TRPM3: variants seen among roughly 807,000 people sequenced by gnomAD.
TRPM3 encodes transient receptor potential cation channel subfamily M member 3.
TRPM3 carries 77 observed loss-of-function variants against 181.2 expected under a neutral mutation model. That is an observed-to-expected ratio of 0.42 (90% CI 0.35 to 0.51). The LOEUF is 0.51. TRPM3 is among the 20% of genes least tolerant of loss of function. The pLI is 0.01. For synonymous variants in TRPM3, 745 were observed against 796.4 expected (o/e 0.94, Z 1.09); for missense variants, 1,759 against 2,196.7 (o/e 0.80, Z 3.98).
At chr9:70,754,722 C>T (rs1282808217) in intron 8 of TRPM3, among the ~76,000 whole-genome samples, 1 of 152,118 alleles carries the variant, frequency 6.6e-6, no homozygotes, top group East Asian at 1.9e-4. Context: ...GTTAGACTGG[C>T]CTCATAATAT....
intron 3 of TRPM3, among the ~76,000 whole-genome samples, chr9:70,861,561 C>T (rs2095520396): frequency 6.6e-6 from 1 of 152,188 alleles, no homozygotes; most frequent in African/African-American, 2.4e-5. Context: ...CAGCACTTTT[C>T]TTACAGGGAC....
intron 1 of TRPM3, among the ~76,000 whole-genome samples, chr9:70,995,551 G>A (rs1272898488): frequency 6.6e-6 from 1 of 152,024 alleles, no homozygotes; most frequent in Non-Finnish European, 1.5e-5. Context: ...ATTAGGGAAG[G>A]TATCTGGTGA....
chr9:71,197,732 T>A lies in TRPM3; in HGVS notation c.183+248921A>T, dbSNP rs1453572540. On this transcript the variant is annotated intron_variant, in intron 1 of 24. Coordinates refer to the TRPM3 transcript ENST00000357533. ...TTGATGGGGTTGTTTGTTTTTTTCTTGTAAATTTGTTTGAGTTCATTGTAG... is the reference window on the plus strand; with the variant it reads ...TTGATGGGGTTGTTTGTTTTTTTCTAGTAAATTTGTTTGAGTTCATTGTAG... Among the ~76,000 whole-genome samples, 6 of 150,730 alleles carry A rather than the reference T, an allele frequency of 4.0e-5. No homozygotes were observed. The Admixed American group carries it at 4.0e-4, about 10-fold the overall frequency.
intron 1 of TRPM3, among the ~76,000 whole-genome samples, chr9:71,004,731 AT>A (rs1179687505): frequency 6.6e-6 from 1 of 152,206 alleles, no homozygotes; most frequent in East Asian, 1.9e-4. Context: ...AGATAACTAA[AT>A]GAAATTTTGA....
intron 1 of TRPM3, among the ~76,000 whole-genome samples, chr9:71,032,071 AT>A (rs369563845): frequency 0.8 from 48,135 of 60,466 alleles, 19,996 homozygotes; most frequent in Middle Eastern, 0.92. Flanking sequence ...TATATATTAT[AT>A]TATATTATAT....
Position 70,937,094 on chromosome 9 carries a change from T to C in TRPM3, c.178-72583A>G, listed in dbSNP as rs937389006. Among the ~76,000 whole-genome samples, 6 of 152,220 alleles carry C rather than the reference T, an allele frequency of 3.9e-5. 1 individual carries two copies. The South Asian group carries it at 1.2e-3, about 31-fold the overall frequency. ...TCTTACAGAAATTAATGACCTTGTT[T>C]TGTTATGCATTTTGACGCAGCTTCA... On this transcript the variant is annotated intron_variant, in intron 1 of 25. Coordinates refer to ENST00000677713, the MANE Select transcript of TRPM3 (RefSeq NM_001366145.2).
intron 8 of TRPM3, among the ~76,000 whole-genome samples, chr9:70,697,776 T>G (rs138853542): frequency 5.8e-4 from 89 of 152,322 alleles, no homozygotes; most frequent in Middle Eastern, 3.4e-3. Context: ...TTATCAGTAG[T>G]TAATACCACT....
At chr9:70,638,858 T>C (rs1183170995) in intron 11 of TRPM3, among the ~76,000 whole-genome samples, 2 of 152,170 alleles carry the variant, frequency 1.3e-5, no homozygotes, top group African/African-American at 4.8e-5. Flanking sequence ...TTGCCTTACA[T>C]GCTGACAACT....
chr9:71,182,217 GTCATA>G (rs2077445222), intron 1 of TRPM3, among the ~76,000 whole-genome samples: 1 of 152,052 alleles, frequency 6.6e-6, no homozygotes. Context: ...TTAAATTGAA[GTCATA>G]GCATACAATA....
intron 1 of TRPM3, among the ~76,000 whole-genome samples, chr9:71,396,656 C>T (rs1361722274): frequency 2.6e-5 from 4 of 151,232 alleles, no homozygotes; most frequent in African/African-American, 9.7e-5. Context: ...GAATAAAATT[C>T]CTCTTTAAGG....
intron 1 of TRPM3, among the ~76,000 whole-genome samples, chr9:71,347,616 G>A (rs985780995): frequency 2.0e-5 from 3 of 151,968 alleles, no homozygotes; most frequent in Non-Finnish European, 4.4e-5. Flanking sequence ...AATTTAACAC[G>A]ATATTTAAGA....
chr9:70,869,834 A>AT (rs2095751333), intron 1 of TRPM3, among the ~76,000 whole-genome samples: 1 of 152,024 alleles, frequency 6.6e-6, no homozygotes, highest in Non-Finnish European at 1.5e-5. Flanking sequence ...GGGTGGCCCA[A>AT]TGGAGAGATT....
rs984730474 is a variant in TRPM3 at position 71,247,705 on chromosome 9, G to T, written c.183+198948C>A. On this transcript the variant is annotated intron_variant, in intron 1 of 24. Transcript: ENST00000357533. ...AGTGATACTAGGTAATCAGCTCAGG[G>T]CAAGGGAAGAGCTCCCGTGGGCAAT... Among the ~76,000 whole-genome samples the T allele has an allele frequency of 2.0e-5, 3 of 152,106 alleles. No homozygotes were observed. In the South Asian group the frequency reaches 6.2e-4, roughly 32 times the overall value.
rs779393854 is a variant in TRPM3, at chr9:70,603,338, T to C, written c.2796+4A>G. Reference sequence around the variant, plus strand: ...CTTACGTTTTCTTTTATAAAAGCCGTTACCTCTCTCATCTTTTCTATTCCC... The same window carrying C: ...CTTACGTTTTCTTTTATAAAAGCCGCTACCTCTCTCATCTTTTCTATTCCC... On this transcript the variant is annotated splice_donor_region_variant and intron_variant, in intron 20 of 25. Coordinates refer to ENST00000677713, the MANE Select transcript of TRPM3 (RefSeq NM_001366145.2). The C allele has an allele frequency of 3.1e-6, 5 of 1,611,704 alleles. No homozygotes were observed. Among genetic ancestry groups the C allele is most frequent in the Non-Finnish European group, 4.2e-6 (5 of 1,178,934 alleles).
chr9:71,135,633 A>G (rs1448919603), intron 1 of TRPM3, among the ~76,000 whole-genome samples: 1 of 152,192 alleles, frequency 6.6e-6, no homozygotes, highest in Non-Finnish European at 1.5e-5. Flanking sequence ...TTAATACTAC[A>G]GAGCTCATGC....
chr9:70,914,196 A>C (rs1426746965), intron 1 of TRPM3, among the ~76,000 whole-genome samples: 2 of 152,156 alleles, frequency 1.3e-5, no homozygotes, highest in East Asian at 3.9e-4. Context: ...TTCACATAGC[A>C]TTCATCCCTT....
At chr9:70,985,695 C>T (rs1189193706) in intron 1 of TRPM3, among the ~76,000 whole-genome samples, 1 of 151,950 alleles carries the variant, frequency 6.6e-6, no homozygotes, top group East Asian at 1.9e-4. Flanking sequence ...TGTGCTGGGC[C>T]CTTTTGGGAG....
intron 1 of TRPM3, among the ~76,000 whole-genome samples, chr9:71,208,345 CA>C (rs2079255474): frequency 6.6e-6 from 1 of 152,116 alleles, no homozygotes; most frequent in Middle Eastern, 3.4e-3. Context: ...AAAACATTCA[CA>C]AAAAATATCA....
intron 1 of TRPM3, among the ~76,000 whole-genome samples, chr9:71,076,086 T>C (rs1408003416): frequency 1.3e-5 from 2 of 152,044 alleles, no homozygotes; most frequent in Non-Finnish European, 2.9e-5. Flanking sequence ...GAAGAATGAT[T>C]AGAATGTGCG....
Sources: allele counts gnomAD v4.1 joint callset (sites outside exome capture counted in the v4.1 genomes callset), GRCh38; gene constraint gnomAD v4.1.1; transcripts MANE v1.5; gene names NCBI Gene and HGNC (gene_info 2026-07-23, HGNC 2026-07-21).